Variants in NR3C2 observed in about 807,000 individuals in gnomAD.
NR3C2 encodes the protein mineralocorticoid receptor.
A neutral mutation model predicts 86.4 loss-of-function variants in NR3C2; 15 were observed. That is an observed-to-expected ratio of 0.17 (90% confidence interval 0.12 to 0.27). The LOEUF (loss-of-function observed/expected upper bound fraction) is 0.27, where lower values mean the gene tolerates loss of function less well. NR3C2 is among the 10% of genes least tolerant of loss of function. The pLI, the probability that NR3C2 is intolerant of heterozygous loss-of-function variation, is 1.00. For missense variants in NR3C2, 960 were observed against 1,195.6 expected (o/e 0.80, Z 2.91); for synonymous variants, 458 against 450.5 (o/e 1.02, Z -0.21).
In NR3C2 at chr4:148,202,715, T is replaced by A. The variant is rs544158118; in HGVS notation, c.1898-7853A>T. Among the ~76,000 whole-genome samples the A allele has an allele frequency of 2.6e-5, 4 of 152,270 alleles. No individual in the cohort carries two copies. The South Asian group carries it at 8.3e-4, about 32-fold the overall frequency. On this transcript the variant is annotated intron_variant, in intron 3 of 8. Transcript: ENST00000358102. Reference sequence around the variant, plus strand: ...CACCAGAGTCCCTGAGATTCAGATCTCACAAATACGGACCCATACAGAGTG... The same window carrying A: ...CACCAGAGTCCCTGAGATTCAGATCACACAAATACGGACCCATACAGAGTG...
intron 3 of NR3C2, among the ~76,000 whole-genome samples, chr4:148,204,132 A>G (rs535124992): frequency 1.4e-4 from 22 of 152,272 alleles, no homozygotes; most frequent in African/African-American, 4.8e-4. Context: ...AAGAATTTTT[A>G]TGTATATTTT....
At chr4:148,394,141 C>A (rs1747735845) in intron 2 of NR3C2, among the ~76,000 whole-genome samples, 1 of 152,134 alleles carries the variant, frequency 6.6e-6, no homozygotes, top group Admixed American at 6.5e-5. Context: ...GGGGCCCCCA[C>A]CACATGAATG....
Position 148,344,768 on chromosome 4 carries a change from G to A in NR3C2, c.1758-84651C>T, listed in dbSNP as rs7680091. 2.8e-3 allele frequency among the ~76,000 whole-genome samples: 429 copies of A among 152,196 alleles called. 2 individuals are homozygous for A. Among genetic ancestry groups the A allele is most frequent in the African/African-American group, 9.4e-3 (390 of 41,524 alleles). On this transcript the variant is annotated intron_variant, in intron 2 of 8. Transcript: ENST00000358102. ...CGTATGAATTATCTTGAGAAAAAAC[G>A]GGAATGACACACATTATCAAGAGTT...
chr4:148,087,871 C>T (rs530290923), intron 8 of NR3C2, among the ~76,000 whole-genome samples: 26 of 152,228 alleles, frequency 1.7e-4, no homozygotes, highest in African/African-American at 6.3e-4. Flanking sequence ...GGACAAATGG[C>T]ATCTAATAAA....
At chr4:148,155,781 C>G (rs2149769057) in intron 4 of NR3C2, among the ~76,000 whole-genome samples, 1 of 151,902 alleles carries the variant, frequency 6.6e-6, no homozygotes, top group Non-Finnish European at 1.5e-5. Context: ...CATATGGAAC[C>G]AAAAAAGAGC....
At chr4:148,209,247 A>C (rs901806821) in intron 3 of NR3C2, among the ~76,000 whole-genome samples, 2 of 151,872 alleles carry the variant, frequency 1.3e-5, no homozygotes. Context: ...CAGTCTCAAA[A>C]AAAAAAAAAA....
At chr4:148,186,998 A>ATG (rs1355692081) in intron 4 of NR3C2, among the ~76,000 whole-genome samples, 3 of 7,928 alleles carry the variant, frequency 3.8e-4, no homozygotes, top group East Asian at 0.016. Context: ...GTATGTATGT[A>ATG]TATATATATA....
chr4:148,093,384 C>T (rs1731144601), intron 8 of NR3C2, among the ~76,000 whole-genome samples: 1 of 152,208 alleles, frequency 6.6e-6, no homozygotes, highest in African/African-American at 2.4e-5. Context: ...TGCTGCTGTT[C>T]TGAGGTTACA....
chr4:148,324,367 T>TGTGTGTGTGTG (rs1561043273), intron 2 of NR3C2, among the ~76,000 whole-genome samples: 3 of 70,500 alleles, frequency 4.3e-5, no homozygotes, highest in African/African-American at 1.4e-4. Context: ...GTGTGTGTGT[T>TGTGTGTGTGTG]TGTGTGTGTG....
intron 4 of NR3C2, among the ~76,000 whole-genome samples, chr4:148,187,141 A>G (rs1735966076): frequency 6.6e-6 from 1 of 150,820 alleles, no homozygotes; most frequent in African/African-American, 2.4e-5. Flanking sequence ...TTGGTTCCAC[A>G]ATTTTGCAGT....
At chr4:148,280,336 C>T (rs892587254) in intron 2 of NR3C2, among the ~76,000 whole-genome samples, 6 of 152,180 alleles carry the variant, frequency 3.9e-5, no homozygotes, top group African/African-American at 1.2e-4. Context: ...TTTATAAATA[C>T]AGTTACTTAT....
rs1553989351 is a variant in NR3C2 at position 148,141,446 on chromosome 4, T to TCTCACA, written c.2510+11022_2510+11023insTGTGAG. On this transcript the variant is annotated intron_variant, in intron 6 of 8. Coordinates refer to ENST00000358102, the MANE Select transcript of NR3C2 (RefSeq NM_000901.5). Reference sequence around the variant, plus strand: ...CTCTCTCTCTCTCTCTCCCTCTCTCTCACACACACACACACACACACGTAT... The same window carrying TCTCACA: ...CTCTCTCTCTCTCTCTCCCTCTCTCTCTCACACACACACACACACACACACACGTAT... 9.9e-4 allele frequency among the ~76,000 whole-genome samples: 148 copies of TCTCACA among 149,398 alleles called. No individual in the cohort carries two copies. In the South Asian group the frequency reaches 0.013, roughly 13 times the overall value.
At chr4:148,351,762 T>C (rs1394291811) in intron 2 of NR3C2, among the ~76,000 whole-genome samples, 2 of 152,190 alleles carry the variant, frequency 1.3e-5, no homozygotes, top group Non-Finnish European at 2.9e-5. Flanking sequence ...TGACTCACAG[T>C]GATAAACTCA....
Position 148,380,116 on chromosome 4 carries a change from T to A in NR3C2, c.1757+54988A>T, listed in dbSNP as rs145168347. ...TCAGATACCATAATATTCATGACTTTAAAGTGTGTAATTCAGTGATTATCT... is the reference window on the plus strand; with the variant it reads ...TCAGATACCATAATATTCATGACTTAAAAGTGTGTAATTCAGTGATTATCT... On this transcript the variant is annotated intron_variant, in intron 2 of 8. Transcript: ENST00000358102. 1.0e-3 allele frequency among the ~76,000 whole-genome samples: 156 copies of A among 152,364 alleles called. 5 individuals are homozygous for A. The East Asian group carries it at 0.021, about 20-fold the overall frequency.
chr4:148,229,032 A>G (rs931884585), intron 3 of NR3C2, among the ~76,000 whole-genome samples: 3 of 152,230 alleles, frequency 2.0e-5, no homozygotes, highest in African/African-American at 7.2e-5. Context: ...CCCAGGTCCC[A>G]TGAAGAAGGC....
chr4:148,354,609 G>A (rs1745461423), intron 2 of NR3C2, among the ~76,000 whole-genome samples: 1 of 152,136 alleles, frequency 6.6e-6, no homozygotes, highest in South Asian at 2.1e-4. Flanking sequence ...TAGTTGTCAA[G>A]GCATGTTTTT....
chr4:148,250,244 G>A (rs1344039095), intron 3 of NR3C2, among the ~76,000 whole-genome samples: 1 of 152,152 alleles, frequency 6.6e-6, no homozygotes, highest in South Asian at 2.1e-4. Flanking sequence ...CACTACATGT[G>A]TATGTCTTTA....
At chr4:148,445,173 C>T (rs143286913), upstream of NR3C2, among the ~76,000 whole-genome samples, 1,565 of 152,154 alleles carry the variant, frequency 0.01, 14 homozygotes, top group Non-Finnish European at 0.018. Context: ...CAGCCCTGCC[C>T]GCAGCCCTCC....
chr4:148,236,703 T>TCA (rs1738767106), intron 3 of NR3C2, among the ~76,000 whole-genome samples: 1 of 152,218 alleles, frequency 6.6e-6, no homozygotes, highest in Non-Finnish European at 1.5e-5. Context: ...TGATAAGGTA[T>TCA]CACAATAGAA....
Sources: allele counts gnomAD v4.1 joint callset (sites outside exome capture counted in the v4.1 genomes callset), GRCh38; gene constraint gnomAD v4.1.1; transcripts MANE v1.5; gene names NCBI Gene and HGNC (gene_info 2026-07-23, HGNC 2026-07-21).